DCAF6: variants seen among roughly 807,000 people sequenced by gnomAD.
DCAF6 encodes DDB1 and CUL4 associated factor 6, also known as DDB1- and CUL4-associated factor 6.
Under a neutral mutation model 125.1 loss-of-function variants are expected in DCAF6, and 54 were observed. That is an observed-to-expected ratio of 0.43 (90% confidence interval 0.35 to 0.54). The LOEUF is 0.54. Among genes scored for constraint, DCAF6 ranks in the 20% least tolerant of loss-of-function variants. DCAF6 has a pLI of 0.01. For missense variants in DCAF6, 934 were observed against 1,161.7 expected, an observed-to-expected ratio of 0.80 and a Z score of 2.85; for synonymous variants, 371 against 390.4, an observed-to-expected ratio of 0.95 and a Z score of 0.58.
the DCAF6 span, among the ~76,000 whole-genome samples, chr1:167,919,262 A>G: frequency 7.8e-4 from 119 of 152,360 alleles, no homozygotes; most frequent in African/African-American, 2.8e-3. Context: ...AAGTAACCAC[A>G]GAGCCATAGT....
At chr1:168,023,202 T>G (rs867286397) in intron 12 of DCAF6, 155 bp downstream of exon 12, 10 of 769,554 alleles carry the variant, frequency 1.3e-5, no homozygotes, top group Middle Eastern at 3.0e-4. Context: ...GTATTGTACA[T>G]AAAAGGTCTT....
chr1:167,896,152 G>A, the DCAF6 span, among the ~76,000 whole-genome samples: 1 of 151,956 alleles, frequency 6.6e-6, no homozygotes, highest in African/African-American at 2.4e-5. Flanking sequence ...AGGTGTCAGC[G>A]GTGCAAGACT....
the DCAF6 span, among the ~76,000 whole-genome samples, chr1:167,892,937 TCA>T: frequency 2.0e-5 from 3 of 152,250 alleles, no homozygotes; most frequent in African/African-American, 7.2e-5. Flanking sequence ...TCTCTGGGTC[TCA>T]GTTTTCTCAT....
At position 168,031,315 on chromosome 1, in the gene DCAF6, G is replaced by A. The variant is rs1380842992; in HGVS notation, c.1610-7056G>A. Among the ~76,000 whole-genome samples the A allele has an allele frequency of 2.6e-5, 4 of 152,192 alleles. No individual in the cohort carries two copies. In the East Asian group the frequency reaches 7.7e-4, roughly 29 times the overall value. Reference sequence around the variant, plus strand: ...AGAAGAAGCAACTAGAGAGGTGGATGGCGACATAGAACAGCGTGGTGTCTT... The same window carrying A: ...AGAAGAAGCAACTAGAGAGGTGGATAGCGACATAGAACAGCGTGGTGTCTT... On this transcript the variant is annotated intron_variant, in intron 12 of 21. Coordinates refer to ENST00000367840, the MANE Select transcript of DCAF6 (RefSeq NM_001198956.2).
At chr1:167,952,318 C>T (rs187261677) in intron 2 of DCAF6, among the ~76,000 whole-genome samples, 22 of 152,084 alleles carry the variant, frequency 1.4e-4, no homozygotes, top group Middle Eastern at 6.8e-3. Flanking sequence ...CCCGGGTTCA[C>T]GTCATTCTCC....
upstream of DCAF6, among the ~76,000 whole-genome samples, chr1:167,931,584 T>C (rs1670912749): frequency 6.6e-6 from 1 of 152,002 alleles, no homozygotes; most frequent in Non-Finnish European, 1.5e-5. Flanking sequence ...TATCTTAGAC[T>C]GGCATTAAGA....
At position 167,987,444 on chromosome 1, in the gene DCAF6, C is replaced by T. The variant is rs372911024; in HGVS notation, c.439-51C>T. ...AAATAGTAGGAATGTTTTTCAGAGC[C>T]GTCTGTTTAAATGTTCGTATGATTA... On this transcript the variant is annotated intron_variant, in intron 4 of 21. Coordinates refer to ENST00000367840, the MANE Select transcript of DCAF6 (RefSeq NM_001198956.2). The T allele has an allele frequency of 1.6e-4, 139 of 866,296 alleles. 1 individual carries two copies. Among genetic ancestry groups the T allele is most frequent in the Admixed American group, 3.1e-4 (16 of 52,014 alleles). The allele number at this position is 866,296 out of a possible 1,614,324, so 53.7% of individuals were successfully genotyped here.
the DCAF6 span, among the ~76,000 whole-genome samples, chr1:167,895,319 C>T: frequency 6.6e-6 from 1 of 152,194 alleles, no homozygotes; most frequent in African/African-American, 2.4e-5. Flanking sequence ...TGTCATGAGG[C>T]TTTCTCCTTC....
chr1:167,935,413 G>A (rs921593331), upstream of DCAF6, among the ~76,000 whole-genome samples: 1 of 152,226 alleles, frequency 6.6e-6, no homozygotes. Flanking sequence ...AGTGTTTCAT[G>A]GTGGCCCCAG....
At chr1:168,072,451 T>A (rs1240644382) in intron 21 of DCAF6, among the ~76,000 whole-genome samples, 1 of 152,186 alleles carries the variant, frequency 6.6e-6, no homozygotes, top group African/African-American at 2.4e-5. Flanking sequence ...ACTCTTAAGC[T>A]TTAATTTCTT....
chr1:168,044,868 C>T (rs759621559), intron 15 of DCAF6, 32 bp from the exon 16 acceptor site: 1 of 1,600,260 alleles, frequency 6.2e-7, no homozygotes. Context: ...CCCACATTAC[C>T]ACCTGTTACA....
chr1:168,056,308 G>T lies in DCAF6; in HGVS notation c.2300+5375G>T, dbSNP rs1249874732. On this transcript the variant is annotated intron_variant, in intron 17 of 21. Coordinates refer to ENST00000367840, the MANE Select transcript of DCAF6 (RefSeq NM_001198956.2). ...AGAGCGGGTCCAGTGCGTAGCGTAC[G>T]GACGGCGCCCACCCCCAGCTGCCAG... 5 of 1,605,554 alleles carry T rather than the reference G, an allele frequency of 3.1e-6. No homozygotes were observed. In the Admixed American group the frequency reaches 8.4e-5, roughly 27 times the overall value.
upstream of DCAF6, among the ~76,000 whole-genome samples, chr1:167,932,369 C>T (rs960044283): frequency 1.3e-5 from 2 of 152,124 alleles, no homozygotes; most frequent in Non-Finnish European, 2.9e-5. Context: ...GTAAACGTTA[C>T]TGGAAGTTCT....
At chr1:167,925,454 T>TATATATATATATATACATATAC in the DCAF6 span, among the ~76,000 whole-genome samples, 28 of 114,668 alleles carry the variant, frequency 2.4e-4, no homozygotes, top group Non-Finnish European at 3.9e-4. Flanking sequence ...TATATATATA[T>TATATATATATATATACATATAC]ATATATATAT....
At chr1:167,894,007 G>C in the DCAF6 span, 1 of 1,087,898 alleles carries the variant, frequency 9.2e-7, no homozygotes, top group Non-Finnish European at 1.4e-6. Context: ...CTAGTGAGAG[G>C]AGGCTCCCAG....
At chr1:167,911,902 A>G in the DCAF6 span, among the ~76,000 whole-genome samples, 1 of 152,242 alleles carries the variant, frequency 6.6e-6, no homozygotes, top group Non-Finnish European at 1.5e-5. Flanking sequence ...CAAGGAAAGT[A>G]CATGCATTTT....
At chr1:167,981,063 C>T (rs375048997) in intron 4 of DCAF6, among the ~76,000 whole-genome samples, 3 of 151,738 alleles carry the variant, frequency 2.0e-5, no homozygotes, top group Non-Finnish European at 4.4e-5. Context: ...CATGCCACCA[C>T]GCCCGGCTAA....
chr1:168,068,045 G>A (rs1692568527), intron 20 of DCAF6, among the ~76,000 whole-genome samples: 1 of 152,194 alleles, frequency 6.6e-6, no homozygotes, highest in Non-Finnish European at 1.5e-5. Context: ...AGCCAACAAA[G>A]TAAATGGCTC....
intron 21 of DCAF6, among the ~76,000 whole-genome samples, chr1:168,071,130 C>A (rs1430327891): frequency 6.6e-6 from 1 of 152,198 alleles, no homozygotes; most frequent in East Asian, 1.9e-4. Context: ...CTTCTCTTGT[C>A]CTCATAGTCT....
Sources: gnomAD v4.1 joint callset for allele counts (sites outside exome capture counted in the v4.1 genomes callset) on GRCh38, gnomAD v4.1.1 for gene constraint, MANE v1.5 for transcripts, NCBI Gene and HGNC (gene_info 2026-07-23, HGNC 2026-07-21) for gene names.